PLXND1: variants seen among roughly 807,000 people sequenced by gnomAD.
PLXND1 encodes the protein plexin D1.
Under a neutral mutation model 197.7 loss-of-function variants are expected in PLXND1, and 54 were observed. The observed-to-expected ratio is 0.27, with a 90% CI of 0.22 to 0.34. The LOEUF (loss-of-function observed/expected upper bound fraction) is 0.34, where lower values mean the gene tolerates loss of function less well. Among genes scored for constraint, PLXND1 ranks in the 10% least tolerant of loss-of-function variants. The probability of loss-of-function intolerance (pLI) is 1.00; values close to 1 mark genes in which losing one functional copy is unlikely to be tolerated. For synonymous variants in PLXND1, 1,180 were observed against 1,161.2 expected (o/e 1.02, Z -0.33); for missense variants, 2,127 against 2,699.2 (o/e 0.79, Z 4.70).
intron 2 of PLXND1, among the ~76,000 whole-genome samples, chr3:129,589,149 T>C (rs2811454): frequency 0.98 from 149,505 of 152,322 alleles, 73,442 homozygotes; most frequent in Non-Finnish European, 1. Flanking sequence ...CTCCTCTGTA[T>C]GGACGCCACC....
chr3:129,586,693 C>T lies in PLXND1; in HGVS notation c.1515G>A (p.Val505=), dbSNP rs1458798085. Residue 505 remains valine (V), a synonymous_variant, in exon 3 of 36, where the codon GTG becomes GTA. Coordinates refer to ENST00000324093, the MANE Select transcript of PLXND1 (RefSeq NM_015103.3). ...CCACAGTCACCACCCGCCTGCTCAC[C>T]ACCTGCATGCTCTCGTTCAGGTTGA... ...LKINLNESMQ[V]VSRRVVTVAY... is the part of the protein sequence containing the mutation. 1 of 1,597,882 alleles carries T rather than the reference C, an allele frequency of 6.3e-7. No individual in the cohort carries two copies. Among genetic ancestry groups the T allele is most frequent in the Non-Finnish European group, 8.5e-7 (1 of 1,171,900 alleles).
intron 20 of PLXND1, among the ~76,000 whole-genome samples, chr3:129,568,177 G>A (rs1433611429): frequency 3.9e-5 from 6 of 152,090 alleles, no homozygotes; most frequent in Non-Finnish European, 5.9e-5. Flanking sequence ...GGTGACTTCG[G>A]TTTACTTTCT....
At chr3:129,561,161 G>A in intron 29 of PLXND1, 1 of 465,906 alleles carries the variant, frequency 2.1e-6, no homozygotes, top group East Asian at 6.7e-5. Flanking sequence ...CCACCCCTGA[G>A]CCCAGAGCTC....
intron 5 of PLXND1, 27 bp from the exon 6 acceptor site, chr3:129,584,589 G>A (rs1359730783): frequency 1.4e-5 from 22 of 1,581,436 alleles, no homozygotes; most frequent in Non-Finnish European, 1.9e-5. Context: ...CTCAGCTCTG[G>A]GGGTCCAGGC....
intron 13 of PLXND1, 35 bp from the exon 14 acceptor site, chr3:129,572,976 T>G (rs780669834): frequency 1.2e-5 from 19 of 1,520,836 alleles, no homozygotes; most frequent in Admixed American, 1.7e-5. Flanking sequence ...CAGCGGTCCT[T>G]GGCCCCCACG....
intron 13 of PLXND1, 50 bp from the exon 14 acceptor site, chr3:129,572,991 C>G: frequency 7.4e-7 from 1 of 1,352,314 alleles, no homozygotes; most frequent in Non-Finnish European, 1.1e-6. Context: ...CCCACGGCCA[C>G]CCTAGAGCCA....
chr3:129,584,079 C>T (rs908256944), intron 7 of PLXND1, 46 bp downstream of exon 7: 10 of 1,268,044 alleles, frequency 7.9e-6, no homozygotes, highest in Admixed American at 2.0e-5. Context: ...CCCGGGGATG[C>T]GTTCCTCCCT....
chr3:129,597,698 G>A (rs536968456), intron 1 of PLXND1, among the ~76,000 whole-genome samples: 50 of 152,372 alleles, frequency 3.3e-4, no homozygotes, highest in Admixed American at 2.4e-3. Flanking sequence ...AGCCGAGCAG[G>A]GTGGAGCAGG....
intron 1 of PLXND1, among the ~76,000 whole-genome samples, chr3:129,598,718 G>A (rs985079313): frequency 2.0e-5 from 3 of 152,048 alleles, no homozygotes; most frequent in Non-Finnish European, 2.9e-5. Context: ...CACCCCTTCC[G>A]ACACCCTCTG....
chr3:129,595,988 C>T (rs993909665), intron 1 of PLXND1, among the ~76,000 whole-genome samples: 12 of 151,548 alleles, frequency 7.9e-5, no homozygotes, highest in Middle Eastern at 3.4e-3. Context: ...AAAGCTGAGG[C>T]TCCTGACTCC....
At chr3:129,589,177 T>G (rs1390463408) in intron 2 of PLXND1, among the ~76,000 whole-genome samples, 174 bp downstream of exon 2, 1 of 152,194 alleles carries the variant, frequency 6.6e-6, no homozygotes, top group Non-Finnish European at 1.5e-5. Context: ...TGAGCAATAG[T>G]GGCAAAAACA....
intron 8 of PLXND1, among the ~76,000 whole-genome samples, chr3:129,581,574 T>A (rs961654409): frequency 6.6e-6 from 1 of 152,226 alleles, no homozygotes; most frequent in African/African-American, 2.4e-5. Context: ...GCATCTACTA[T>A]GTGCCAAGTA....
chr3:129,585,887 T>C, intron 5 of PLXND1, 65 bp downstream of exon 5: 1 of 1,603,282 alleles, frequency 6.2e-7, no homozygotes, highest in South Asian at 1.1e-5. Flanking sequence ...TCTCGGGGCC[T>C]GGGTGCTGGG....
intron 5 of PLXND1, among the ~76,000 whole-genome samples, chr3:129,585,639 C>T (rs2085447983): frequency 6.6e-6 from 1 of 152,212 alleles, no homozygotes; most frequent in Admixed American, 6.5e-5. Flanking sequence ...TCTACCACTC[C>T]CTAGCTGTGC....
At chr3:129,585,845 T>C in intron 5 of PLXND1, 107 bp downstream of exon 5, 1 of 1,445,694 alleles carries the variant, frequency 6.9e-7, no homozygotes, top group Non-Finnish European at 9.6e-7. Context: ...TGTCTTCAGG[T>C]CCTTGGGGCA....
chr3:129,567,286 C>T (rs958007847), intron 22 of PLXND1, among the ~76,000 whole-genome samples: 9 of 152,192 alleles, frequency 5.9e-5, no homozygotes, highest in Non-Finnish European at 1.2e-4. Flanking sequence ...GACTGTTAAA[C>T]ATCAAGTGAG....
chr3:129,559,731 C>T lies in PLXND1; in HGVS notation c.5186G>A (p.Arg1729His), dbSNP rs552444549. ...DDLFKAILSI[R>H]EDKPPLAVKY... ...GACAGCCAGTGGGGGCTTGTCTTCA[C>T]GGATACTCAGAATGGCCTTGAACAG... Residue 1729 changes from arginine (R) to histidine (H), a missense_variant, in exon 32 of 36, where the codon CGT becomes CAT. Physicochemically the swap from Arg to His is conservative, Grantham distance 29 (BLOSUM62 0). This residue lies in a region of PLXND1 where 200 missense variants were observed against 303.3 expected (regional missense o/e 0.66). Coordinates refer to ENST00000324093, the MANE Select transcript of PLXND1 (RefSeq NM_015103.3). 62 of 1,613,042 alleles carry T rather than the reference C, an allele frequency of 3.8e-5. No individual in the cohort carries two copies. The South Asian group carries it at 4.6e-4, about 12-fold the overall frequency.
At position 129,566,950 on chromosome 3, in the gene PLXND1, A is replaced by G. The variant is rs1182961236; in HGVS notation, c.4087-319T>C. On this transcript the variant is annotated intron_variant, in intron 22 of 35. Coordinates refer to ENST00000324093, the MANE Select transcript of PLXND1 (RefSeq NM_015103.3). Reference sequence around the variant, plus strand: ...AAGCTACTGGAGGGTTTCGTGAAAAATGATGTAGTCAAACATGGGCTTGCT... The same window carrying G: ...AAGCTACTGGAGGGTTTCGTGAAAAGTGATGTAGTCAAACATGGGCTTGCT... 2.0e-5 allele frequency among the ~76,000 whole-genome samples: 3 copies of G among 152,210 alleles called. No homozygotes were observed. The East Asian group carries it at 5.8e-4, about 29-fold the overall frequency.
rs2085010998 is a variant in PLXND1 at position 129,558,739 on chromosome 3, C to G, written c.5298-164G>C. 2 of 664,844 alleles carry G rather than the reference C, an allele frequency of 3.0e-6. No individual in the cohort carries two copies. Among genetic ancestry groups the G allele is most frequent in the Non-Finnish European group, 5.0e-6 (2 of 396,392 alleles). 41.2% of individuals were successfully genotyped at this position (664,844 alleles called of 1,614,324 possible). On this transcript the variant is annotated intron_variant, in intron 32 of 35. Coordinates refer to ENST00000324093, the MANE Select transcript of PLXND1 (RefSeq NM_015103.3). The surrounding 1 kb of genome is among the most constrained non-coding windows in gnomAD (Gnocchi z 4.1). ...CCTTAGTTTGCCTATCCCTGGCCAG[C>G]TGGGGTGCAGTGGGGCTGAGAGCCC...
Sources: gnomAD v4.1 joint callset for allele counts (sites outside exome capture counted in the v4.1 genomes callset) on GRCh38, gnomAD v4.1.1 for gene constraint, gnomAD v4.1.1 regional missense constraint, Gnocchi (gnomAD v3.1) non-coding constraint, MANE v1.5 for transcripts, NCBI Gene and HGNC (gene_info 2026-07-23, HGNC 2026-07-21) for gene names.